SLC24A4: variants seen among roughly 807,000 people sequenced by gnomAD.
The protein encoded by SLC24A4 is sodium/potassium/calcium exchanger 4.
A neutral mutation model predicts 79.0 loss-of-function variants in SLC24A4; 53 were observed. The ratio of observed to expected loss-of-function variants is 0.67; its 90% CI spans 0.54 to 0.84. The LOEUF (loss-of-function observed/expected upper bound fraction) is 0.84. Among genes scored for constraint, SLC24A4 ranks in the 40% least tolerant of loss-of-function variants. The probability of loss-of-function intolerance (pLI) is 0.00; values close to 1 mark genes in which losing one functional copy is unlikely to be tolerated. For missense variants in SLC24A4, 731 were observed against 822.0 expected (o/e 0.89, Z 1.35); for synonymous variants, 323 against 323.8 (o/e 1.00, Z 0.03).
At chr14:92,444,592 C>T (rs1443342499) in intron 7 of SLC24A4, among the ~76,000 whole-genome samples, 3 of 152,182 alleles carry the variant, frequency 2.0e-5, no homozygotes, top group East Asian at 3.8e-4. Flanking sequence ...CGGTGGCTCA[C>T]GCCTGTAATC....
At chr14:92,387,868 G>A (rs1889253540) in intron 2 of SLC24A4, among the ~76,000 whole-genome samples, 1 of 152,230 alleles carries the variant, frequency 6.6e-6, no homozygotes, top group African/African-American at 2.4e-5. Flanking sequence ...GTTGTAGCCT[G>A]TGTTAGAATG....
chr14:92,453,919 T>G lies in SLC24A4; in HGVS notation c.900T>G (p.Tyr300Ter). 1.2e-6 allele frequency: 2 copies of G among 1,611,968 alleles called. No homozygotes were observed. The highest frequency in any genetic ancestry group is 1.7e-6 in the Non-Finnish European group (2 of 1,179,136). The part of the protein sequence containing the change: ...LLGQVKEKPQ[Y>*]GKNPVVMVDE... Reference sequence around the variant, plus strand: ...CAACAGTGAAGGAGAAGCCACAGTATGGCAAGAACCCCGTGGTGATGGTGG... The same window carrying G: ...CAACAGTGAAGGAGAAGCCACAGTAGGGCAAGAACCCCGTGGTGATGGTGG... The change falls in exon 11 of 17, where the codon TAT (tyrosine) becomes TAG (stop). Residue 300 changes from tyrosine (Y) to a stop codon, truncating the protein, a stop_gained. Transcript: ENST00000532405. LOFTEE classifies it high-confidence loss of function.
In SLC24A4 at chr14:92,340,867, C is replaced by A. The variant is rs115640618; in HGVS notation, c.241+14889C>A. 7.5e-3 allele frequency among the ~76,000 whole-genome samples: 1,143 copies of A among 152,264 alleles called. 9 individuals are homozygous for A. The highest frequency in any genetic ancestry group is 0.026 in the African/African-American group (1,099 of 41,542). On this transcript the variant is annotated intron_variant, in intron 2 of 16. Transcript: ENST00000532405. Reference sequence around the variant, plus strand: ...GCAGGATTTTACCGAGGCCCCAGAGCAGATGCATTTGTTCTAAGCAACATT... The same window carrying A: ...GCAGGATTTTACCGAGGCCCCAGAGAAGATGCATTTGTTCTAAGCAACATT...
chr14:92,480,677 A>AT (rs1194354099), intron 12 of SLC24A4, among the ~76,000 whole-genome samples: 5 of 151,948 alleles, frequency 3.3e-5, no homozygotes, highest in African/African-American at 1.2e-4. Flanking sequence ...AGTGTGTTAC[A>AT]TTTTTTTGAT....
At chr14:92,349,183 A>G (rs1389333390) in intron 2 of SLC24A4, among the ~76,000 whole-genome samples, 1 of 148,000 alleles carries the variant, frequency 6.8e-6, no homozygotes, top group Non-Finnish European at 1.5e-5. Flanking sequence ...TTTTTTTGAT[A>G]CAGTCTTGCT....
intron 2 of SLC24A4, among the ~76,000 whole-genome samples, chr14:92,431,827 T>A (rs148077550): frequency 1.3e-4 from 20 of 152,254 alleles, no homozygotes; most frequent in African/African-American, 4.6e-4. Context: ...TCGCACAAGC[T>A]CATGCGTAGT....
At chr14:92,446,657 A>G (rs1452892721) in intron 8 of SLC24A4, among the ~76,000 whole-genome samples, 1 of 152,220 alleles carries the variant, frequency 6.6e-6, no homozygotes, top group Non-Finnish European at 1.5e-5. Flanking sequence ...GGAGGTTAGC[A>G]AAGGAAGAGC....
At chr14:92,488,230 C>A (rs1407004125) in intron 14 of SLC24A4, among the ~76,000 whole-genome samples, 2 of 152,014 alleles carry the variant, frequency 1.3e-5, no homozygotes, top group African/African-American at 2.4e-5. Flanking sequence ...TGCCACCACA[C>A]CCAGCTAATT....
At chr14:92,489,300 G>A (rs948648227) in intron 14 of SLC24A4, among the ~76,000 whole-genome samples, 2 of 152,076 alleles carry the variant, frequency 1.3e-5, no homozygotes, top group African/African-American at 4.8e-5. Flanking sequence ...TTAGCCAGGC[G>A]TGGTGGTGCA....
intron 2 of SLC24A4, among the ~76,000 whole-genome samples, chr14:92,405,746 G>C (rs1890340256): frequency 6.6e-6 from 1 of 152,084 alleles, no homozygotes; most frequent in Non-Finnish European, 1.5e-5. Flanking sequence ...CAGTAAGGGG[G>C]AAATCTGCCT....
At position 92,435,853 on chromosome 14, in the gene SLC24A4, T is replaced by A. The variant is rs144971430; in HGVS notation, c.318+1865T>A. 2.0e-4 allele frequency among the ~76,000 whole-genome samples: 30 copies of A among 152,340 alleles called. No individual in the cohort carries two copies. In the East Asian group the frequency reaches 4.2e-3, roughly 22 times the overall value. ...TCTAGTTTCTCTGGCTTTACACTCCTCCCCTTTCACTAAGGGACTGTGGAT... is the reference window on the plus strand; with the variant it reads ...TCTAGTTTCTCTGGCTTTACACTCCACCCCTTTCACTAAGGGACTGTGGAT... On this transcript the variant is annotated intron_variant, in intron 3 of 16. Transcript: ENST00000532405.
At chr14:92,338,732 C>T (rs1159467404) in intron 2 of SLC24A4, among the ~76,000 whole-genome samples, 2 of 152,240 alleles carry the variant, frequency 1.3e-5, no homozygotes, top group Admixed American at 1.3e-4. Context: ...AAAAAAATCA[C>T]CCTACTTAGG....
chr14:92,491,985 C>G (rs1895701018), intron 15 of SLC24A4, among the ~76,000 whole-genome samples, 190 bp from the exon 16 acceptor site: 2 of 152,262 alleles, frequency 1.3e-5, no homozygotes, highest in African/African-American at 4.8e-5. Flanking sequence ...CCATCCCAGG[C>G]TGTCTCCTCA....
chr14:92,443,288 G>C (rs937291651), intron 6 of SLC24A4, 112 bp from the exon 7 acceptor site: 18 of 929,116 alleles, frequency 1.9e-5, no homozygotes, highest in Non-Finnish European at 2.8e-5. Context: ...CTGGAGTTAG[G>C]AGGTGGAGCT....
rs574318098 is a variant in SLC24A4 at position 92,474,486 on chromosome 14, T to C, written c.1256-8194T>C. The stretch of plus-strand genomic sequence containing the variant: ...CTCCATGCCACATTTGTTTTGTTGT[T>C]GTTGTTGTTTTCTTTTGAGATGGAG... On this transcript the variant is annotated intron_variant, in intron 12 of 16. Transcript: ENST00000532405. 3.9e-5 allele frequency among the ~76,000 whole-genome samples: 6 copies of C among 151,982 alleles called. No individual in the cohort carries two copies. In the East Asian group the frequency reaches 7.8e-4, roughly 20 times the overall value.
chr14:92,470,006 A>C (rs1037870926), intron 12 of SLC24A4, among the ~76,000 whole-genome samples: 1 of 152,194 alleles, frequency 6.6e-6, no homozygotes, highest in African/African-American at 2.4e-5. Context: ...ACAACTTTCA[A>C]ATATGGTAAA....
intron 12 of SLC24A4, among the ~76,000 whole-genome samples, chr14:92,480,362 C>T (rs12889660): frequency 0.24 from 29,641 of 123,950 alleles, 3,984 homozygotes; most frequent in Middle Eastern, 0.39. Context: ...GGCACAATCT[C>T]AGCTCACTGC....
chr14:92,410,404 T>A (rs1270442257), intron 2 of SLC24A4, among the ~76,000 whole-genome samples: 7 of 152,192 alleles, frequency 4.6e-5, no homozygotes, highest in Non-Finnish European at 8.8e-5. Context: ...GGTCTCAATT[T>A]TCTGGCTTCA....
rs1566772127 is a variant in SLC24A4 at position 92,445,297 on chromosome 14, C to CT, written c.658-19dup. 2 of 1,614,100 alleles carry CT rather than the reference C, an allele frequency of 1.2e-6. No homozygotes were observed. Among genetic ancestry groups the CT allele is most frequent in the East Asian group, 2.2e-5 (1 of 44,888 alleles). On this transcript the variant is annotated intron_variant, in intron 7 of 16. Coordinates refer to ENST00000532405, the MANE Select transcript of SLC24A4 (RefSeq NM_153646.4). ...TAAATATGTCCCACCCACCTCAACT[C>CT]TGTTTCTTTTGCCTTACAGTTCATA...
Sources: allele counts gnomAD v4.1 joint callset (sites outside exome capture counted in the v4.1 genomes callset), GRCh38; gene constraint gnomAD v4.1.1; transcripts MANE v1.5; gene names NCBI Gene and HGNC (gene_info 2026-07-23, HGNC 2026-07-21).